ZFTA: variants seen among roughly 807,000 people sequenced by gnomAD.
ZFTA encodes the protein zinc finger translocation-associated protein.
In ZFTA, 35 loss-of-function variants were observed where a neutral mutation model predicts 41.8. That is an observed-to-expected ratio of 0.84 (90% CI 0.64 to 1.11). The LOEUF (loss-of-function observed/expected upper bound fraction) is 1.11, where lower values mean the gene tolerates loss of function less well. ZFTA is among the 50% of genes most tolerant of loss of function. The probability of loss-of-function intolerance (pLI) is 0.00; values close to 1 mark genes in which losing one functional copy is unlikely to be tolerated. For missense variants in ZFTA, 964 were observed against 989.8 expected, an observed-to-expected ratio of 0.97 and a Z score of 0.35; for synonymous variants, 514 against 436.4, an observed-to-expected ratio of 1.18 and a Z score of -2.22.
chr11:63,764,804 T>C (rs1245580706), intron 3 of ZFTA, 64 bp downstream of exon 3: 4 of 1,426,424 alleles, frequency 2.8e-6, no homozygotes, highest in Non-Finnish European at 2.7e-6. Flanking sequence ...CTCCCAGTTT[T>C]GGCCACAGAC....
At position 63,765,110 on chromosome 11, in the gene ZFTA, T is replaced by G; in HGVS notation, c.782A>C (p.Lys261Thr). ...LGARRLERRL[K>T]ESLQNWFRAE... The stretch of plus-strand genomic sequence containing the variant: ...CCGGAACCAGTTCTGCAGGGACTCC[T>G]TCAGCCTCCTCTCCAGGCGCCGGGC... Residue 261 changes from lysine to threonine, a missense_variant, in exon 3 of 5, where the codon AAG becomes ACG. Physicochemically the swap from Lys to Thr is moderately conservative, Grantham distance 78. Coordinates refer to ENST00000433688, the MANE Select transcript of ZFTA (RefSeq NM_001144936.2). This position sits in a 1 kb window ranked among gnomAD's most constrained non-coding sequence, Gnocchi z 4.0. The G allele has an allele frequency of 6.5e-7, 1 of 1,548,360 alleles. No individual in the cohort carries two copies. Among genetic ancestry groups the G allele is most frequent in the Non-Finnish European group, 8.7e-7 (1 of 1,146,316 alleles).
chr11:63,766,284 C>T lies in ZFTA; in HGVS notation c.160G>A (p.Gly54Arg), dbSNP rs1236871482. 2.7e-6 allele frequency: 4 copies of T among 1,456,634 alleles called. No individual in the cohort carries two copies. The highest frequency in any genetic ancestry group is 1.4e-5 in the African/African-American group (1 of 69,426). 90.2% of individuals were successfully genotyped at this position (1,456,634 alleles called of 1,614,324 possible). Residue 54 changes from glycine to arginine, a missense_variant, in exon 2 of 5, where the codon GGG becomes AGG. Around this residue, in one of 5 missense-constraint regions of ZFTA, gnomAD observed 111 missense variants for 93.2 expected, o/e 1.19. Coordinates refer to ENST00000433688, the MANE Select transcript of ZFTA (RefSeq NM_001144936.2). ...CTCCCCCAGGACCCCAAGGCACCCC[C>T]TTCCAGCTGAAGATCTTGCCCTGAA... ...DEGGQDLQLE[G>R]GALGSWGSAP...
chr11:63,763,741 G>T lies in ZFTA; in HGVS notation c.1714C>A (p.Pro572Thr). 1 of 1,497,196 alleles carries T rather than the reference G, an allele frequency of 6.7e-7. No individual in the cohort carries two copies. 92.7% of individuals were successfully genotyped at this position (1,497,196 alleles called of 1,614,324 possible). A position where few individuals can be genotyped will look rare whatever the true frequency, so the allele number is the denominator to read the frequency against. ...PPPPPPPPPP[P>T]RSREQRRNYQ... Reference sequence around the variant, plus strand: ...TTCCGCCGCTGCTCCCGGCTGCGGGGCGGGGGCGGAGGCGGGGGAGGAGGC... The same window carrying T: ...TTCCGCCGCTGCTCCCGGCTGCGGGTCGGGGGCGGAGGCGGGGGAGGAGGC... Residue 572 changes from proline to threonine, a missense_variant, in exon 5 of 5, where the codon CCC becomes ACC. Physicochemically the swap from Pro to Thr is conservative, Grantham distance 38. Coordinates refer to ENST00000433688, the MANE Select transcript of ZFTA (RefSeq NM_001144936.2).
rs1222909758 is a variant in ZFTA at position 63,765,135 on chromosome 11, C to A, written c.757G>T (p.Ala253Ser). Residue 253 changes from alanine (A) to serine (S), a missense_variant, in exon 3 of 5, where the codon GCC becomes TCC. Coordinates refer to ENST00000433688, the MANE Select transcript of ZFTA (RefSeq NM_001144936.2). This position sits in a 1 kb window ranked among gnomAD's most constrained non-coding sequence, Gnocchi z 4.0. The part of the protein sequence containing the change: ...RRAGGSRGLG[A>S]RRLERRLKES... ...TTCAGCCTCCTCTCCAGGCGCCGGG[C>A]CCCCAGCCCCCTGCTGCCCCCGGCC... 1.9e-6 allele frequency: 3 copies of A among 1,547,036 alleles called. No homozygotes were observed. The highest frequency in any genetic ancestry group is 2.6e-6 in the Non-Finnish European group (3 of 1,146,000).
Position 63,763,356 on chromosome 11 carries a change from G to C in ZFTA, c.*62C>G. The stretch of plus-strand genomic sequence containing the variant: ...GTCTCCCAGCCGAAGGGCCGGGCGA[G>C]CACAGGGCGGGGCGGGGCCGATCCG... On this transcript the variant is annotated 3_prime_UTR_variant, in exon 5 of 5. Coordinates refer to ENST00000433688, the MANE Select transcript of ZFTA (RefSeq NM_001144936.2). 4.4e-6 allele frequency: 5 copies of C among 1,131,546 alleles called. No individual in the cohort carries two copies. The highest frequency in any genetic ancestry group is 5.5e-6 in the Non-Finnish European group (5 of 915,872). The allele number at this position is 1,131,546 out of a possible 1,614,324, so 70.1% of individuals were successfully genotyped here.
At position 63,763,549 on chromosome 11, in the gene ZFTA, G is replaced by A. The variant is rs1314706832; in HGVS notation, c.1906C>T (p.Arg636Cys). Reference sequence around the variant, plus strand: ...TCGTAGGCCTCCAGGATAGTCTGGCGCTCCTCAGGCGTGAAGTCCATGGAG... The same window carrying A: ...TCGTAGGCCTCCAGGATAGTCTGGCACTCCTCAGGCGTGAAGTCCATGGAG... ...PFSMDFTPEERQTILEAYEEA... is the reference protein window; with the variant it reads ...PFSMDFTPEECQTILEAYEEA... The change falls in exon 5 of 5, where the codon CGC (arginine) becomes TGC (cysteine). Residue 636 changes from arginine (R) to cysteine (C), a missense_variant. By Grantham distance (180) the Arg-to-Cys change is radical. Coordinates refer to ENST00000433688, the MANE Select transcript of ZFTA (RefSeq NM_001144936.2). 1.3e-6 allele frequency: 2 copies of A among 1,547,390 alleles called. No individual in the cohort carries two copies.
Position 63,763,290 on chromosome 11 carries a change from G to C in ZFTA, c.*128C>G, listed in dbSNP as rs1006404048. The C allele has an allele frequency of 5.8e-4, 373 of 638,858 alleles. No individual in the cohort carries two copies. The highest frequency in any genetic ancestry group is 9.4e-4 in the Admixed American group (17 of 18,130). The allele number at this position is 638,858 out of a possible 1,614,324, so 39.6% of individuals were successfully genotyped here. A position where few individuals can be genotyped will look rare whatever the true frequency, so the allele number is the denominator to read the frequency against. ...CCCGTCTCCGCCCGGCCCGGCCAGC[G>C]GGGGGCGCGGCCGCGGGAAGCGCTA... On this transcript the variant is annotated 3_prime_UTR_variant, in exon 5 of 5. Coordinates refer to ENST00000433688, the MANE Select transcript of ZFTA (RefSeq NM_001144936.2).
At position 63,766,204 on chromosome 11, in the gene ZFTA, A is replaced by G; in HGVS notation, c.240T>C (p.Tyr80=). ...AGGCCCGGGCCTCACAGTGGTCTGA[A>G]TATTTCCTGCCTGAAGATGCTGGTC... ...ARGPASSGRK[Y]SDHCEARASR... The change falls in exon 2 of 5, where the codon TAT becomes TAC. Residue 80 remains tyrosine (Y), a synonymous_variant. Coordinates refer to ENST00000433688, the MANE Select transcript of ZFTA (RefSeq NM_001144936.2). 6.5e-7 allele frequency: 1 copy of G among 1,537,198 alleles called. No homozygotes were observed. The highest frequency in any genetic ancestry group is 8.8e-7 in the Non-Finnish European group (1 of 1,141,222).
At position 63,763,505 on chromosome 11, in the gene ZFTA, G is replaced by A. The variant is rs771993954; in HGVS notation, c.1950C>T (p.Cys650=). ...LEAYEEAALR[C]YGHEGFGPPA... is the part of the protein sequence containing the mutation. ...GCGGCCCGAAGCCCTCGTGGCCGTA[G>A]CAGCGCAGCGCCGCCTCCTCGTAGG... Residue 650 remains cysteine, a synonymous_variant, in exon 5 of 5, where the codon TGC becomes TGT. Transcript: ENST00000433688. The A allele has an allele frequency of 6.5e-6, 10 of 1,539,488 alleles. No homozygotes were observed. Among genetic ancestry groups the A allele is most frequent in the African/African-American group, 5.5e-5 (4 of 72,170 alleles).
In ZFTA at chr11:63,764,297, G is replaced by A. The variant is rs1490987987; in HGVS notation, c.1326C>T (p.Cys442=). 7.0e-6 allele frequency: 10 copies of A among 1,423,076 alleles called. No individual in the cohort carries two copies. The highest frequency in any genetic ancestry group is 9.1e-6 in the Non-Finnish European group (10 of 1,094,244). The allele number at this position is 1,423,076 out of a possible 1,614,324, so 88.2% of individuals were successfully genotyped here. The change falls in exon 4 of 5, where the codon TGC becomes TGT. Residue 442 remains cysteine, a synonymous_variant. Transcript: ENST00000433688. ...GGRRGLVCGV[C]GGALASLKMS... ...TCTTGAGCGAGGCCAGCGCGCCCCCGCACACCCCGCACACCAGGCCGCGCC... is the reference window on the plus strand; with the variant it reads ...TCTTGAGCGAGGCCAGCGCGCCCCCACACACCCCGCACACCAGGCCGCGCC...
At chr11:63,767,461 T>C (rs75184779) in intron 1 of ZFTA, 3,412 of 152,556 alleles carry the variant, frequency 0.022, 62 homozygotes, top group Non-Finnish European at 0.036. Flanking sequence ...TGATAGGTCA[T>C]GTCCGCACTC....
Position 63,762,035 on chromosome 11 carries a change from G to A in ZFTA, c.*1383C>T, listed in dbSNP as rs2014649825. 1 of 151,864 alleles carries A rather than the reference G, an allele frequency of 6.6e-6. No homozygotes were observed. The highest frequency in any genetic ancestry group is 6.6e-5 in the Admixed American group (1 of 15,232). The allele number at this position is 151,864 out of a possible 1,614,324, so 9.4% of individuals were successfully genotyped here. On this transcript the variant is annotated 3_prime_UTR_variant, in exon 5 of 5. Transcript: ENST00000433688. ...TTCCACCCACTAGCCTCCCCGCCCC[G>A]GCTTTAGGACCGCGGGAACTGTTCC...
At position 63,764,055 on chromosome 11, in the gene ZFTA, T is replaced by G. The variant is rs1279314263; in HGVS notation, c.1568A>C (p.Glu523Ala). ...GGGDEEEEPE[E>A]EEEEWGDVPL... is the part of the protein sequence containing the mutation. ...CCGCTCACCCCACTCCTCCTCCTCC[T>G]CCTCTGGCTCCTCCTCCTCGTCCCC... Residue 523 changes from glutamate (E) to alanine (A), a missense_variant, in exon 4 of 5, where the codon GAG becomes GCG. Transcript: ENST00000433688. 5.2e-6 allele frequency: 7 copies of G among 1,336,238 alleles called. No individual in the cohort carries two copies. The highest frequency in any genetic ancestry group is 6.7e-6 in the Non-Finnish European group (7 of 1,045,898). The allele number at this position is 1,336,238 out of a possible 1,614,324, so 82.8% of individuals were successfully genotyped here. A position where few individuals can be genotyped will look rare whatever the true frequency, so the allele number is the denominator to read the frequency against.
chr11:63,764,196 A>T lies in ZFTA; in HGVS notation c.1427T>A (p.Ile476Asn). ...TRLGGPVQAL[I>N]AREWSEKAAH... Reference sequence around the variant, plus strand: ...GGCCTTCTCGCTCCACTCCCGGGCGATGAGGGCCTGGACAGGCCCGCCGAG... The same window carrying T: ...GGCCTTCTCGCTCCACTCCCGGGCGTTGAGGGCCTGGACAGGCCCGCCGAG... The change falls in exon 4 of 5, where the codon ATC (isoleucine) becomes AAC (asparagine). Residue 476 changes from isoleucine to asparagine, a missense_variant. Physicochemically the swap from Ile to Asn is moderately radical, Grantham distance 149. Coordinates refer to ENST00000433688, the MANE Select transcript of ZFTA (RefSeq NM_001144936.2). 2 of 1,394,708 alleles carry T rather than the reference A, an allele frequency of 1.4e-6. No homozygotes were observed. The highest frequency in any genetic ancestry group is 1.5e-5 in the African/African-American group (1 of 65,596). 86.4% of individuals were successfully genotyped at this position (1,394,708 alleles called of 1,614,324 possible). A position where few individuals can be genotyped will look rare whatever the true frequency, so the allele number is the denominator to read the frequency against.
At position 63,764,869 on chromosome 11, in the gene ZFTA, T is replaced by C; in HGVS notation, c.1023A>G (p.Pro341=). ...EALSELTQSP[P]GDDLAPQDLT... is the part of the protein sequence containing the mutation. Reference sequence around the variant, plus strand: ...CTCAGCCTGGGATGGGCCTCGCACCTGGTGGGGACTGGGTGAGCTCAGACA... The same window carrying C: ...CTCAGCCTGGGATGGGCCTCGCACCCGGTGGGGACTGGGTGAGCTCAGACA... Residue 341 remains proline (P), a splice_region_variant and synonymous_variant, in exon 3 of 5, where the codon CCA becomes CCG. Coordinates refer to ENST00000433688, the MANE Select transcript of ZFTA (RefSeq NM_001144936.2). 6.7e-7 allele frequency: 1 copy of C among 1,485,738 alleles called. No homozygotes were observed. The highest frequency in any genetic ancestry group is 8.9e-7 in the Non-Finnish European group (1 of 1,120,308). 92.0% of individuals were successfully genotyped at this position (1,485,738 alleles called of 1,614,324 possible).
Position 63,765,335 on chromosome 11 carries a change from T to C in ZFTA, c.638-81A>G. On this transcript the variant is annotated intron_variant, in intron 2 of 4. Transcript: ENST00000433688. The surrounding 1 kb of genome is among the most constrained non-coding windows in gnomAD (Gnocchi z 4.0). ...TACAGCCAGGTCTCCCACAAGCCTC[T>C]CACTCACTTGGGCCCCAGGCCTAAC... 7.3e-7 allele frequency: 1 copy of C among 1,374,626 alleles called. No homozygotes were observed. The highest frequency in any genetic ancestry group is 9.4e-7 in the Non-Finnish European group (1 of 1,058,830). 85.2% of individuals were successfully genotyped at this position (1,374,626 alleles called of 1,614,324 possible).
Position 63,765,883 on chromosome 11 carries a change from A to C in ZFTA, c.561T>G (p.Ala187=), listed in dbSNP as rs1407854225. The change falls in exon 2 of 5, where the codon GCT becomes GCG. Residue 187 remains alanine (A), a synonymous_variant. Coordinates refer to ENST00000433688, the MANE Select transcript of ZFTA (RefSeq NM_001144936.2). This position sits in a 1 kb window ranked among gnomAD's most constrained non-coding sequence, Gnocchi z 4.0. ...GEAEGLGVQG[A]EEEEEEEEEE... ...CTTCTTCCTCCTCCTCCTCCTCCTC[A>C]GCCCCCTGGACCCCCAGGCCCTCGG... 4 of 1,528,342 alleles carry C rather than the reference A, an allele frequency of 2.6e-6. No homozygotes were observed. Among genetic ancestry groups the C allele is most frequent in the East Asian group, 2.5e-5 (1 of 40,128 alleles). The allele number at this position is 1,528,342 out of a possible 1,614,324, so 94.7% of individuals were successfully genotyped here. A position where few individuals can be genotyped will look rare whatever the true frequency, so the allele number is the denominator to read the frequency against.
chr11:63,765,156 C>T lies in ZFTA; in HGVS notation c.736G>A (p.Gly246Arg), dbSNP rs964373549. 4.5e-6 allele frequency: 7 copies of T among 1,546,016 alleles called. No homozygotes were observed. Among genetic ancestry groups the T allele is most frequent in the African/African-American group, 1.4e-5 (1 of 72,750 alleles). The change falls in exon 3 of 5, where the codon GGG (glycine) becomes AGG (arginine). Residue 246 changes from glycine (G) to arginine (R), a missense_variant. By Grantham distance (125) the Gly-to-Arg change is moderately radical. This residue lies in a region of ZFTA where 584 missense variants were observed against 523.1 expected (regional missense o/e 1.12). Transcript: ENST00000433688. This position sits in a 1 kb window ranked among gnomAD's most constrained non-coding sequence, Gnocchi z 4.0. ...CGGGCCCCCAGCCCCCTGCTGCCCC[C>T]GGCCCTCCGGGAGGCTGAGAGGCGC... ...RLRLSASRRA[G>R]GSRGLGARRL...
chr11:63,766,470 CATT>C (rs1330578523), intron 1 of ZFTA, among the ~76,000 whole-genome samples, 166 bp from the exon 2 acceptor site: 1 of 142,124 alleles, frequency 7.0e-6, no homozygotes, highest in African/African-American at 2.5e-5. Flanking sequence ...GGAGCCAAAA[CATT>C]AGCCCTTTAC....
Sources: gnomAD v4.1 joint callset for allele counts (sites outside exome capture counted in the v4.1 genomes callset) on GRCh38, gnomAD v4.1.1 for gene constraint, gnomAD v4.1.1 regional missense constraint, Gnocchi (gnomAD v3.1) non-coding constraint, MANE v1.5 for transcripts, NCBI Gene and HGNC (gene_info 2026-07-23, HGNC 2026-07-21) for gene names.